The following EEF1D variants were observed in gnomAD, a reference collection of about 807,000 sequenced individuals.
EEF1D encodes elongation factor 1-delta.
EEF1D carries 47 observed loss-of-function variants against 63.9 expected under a neutral mutation model. The ratio of observed to expected loss-of-function variants is 0.74; its 90% CI spans 0.58 to 0.94. The LOEUF (loss-of-function observed/expected upper bound fraction) is 0.94. Among genes scored for constraint, EEF1D ranks in the 40% least tolerant of loss-of-function variants. The probability of loss-of-function intolerance (pLI) is 0.00; values close to 1 mark genes in which losing one functional copy is unlikely to be tolerated. For synonymous variants in EEF1D, 412 were observed against 386.1 expected (o/e 1.07, Z -0.79); for missense variants, 907 against 899.0 (o/e 1.01, Z -0.11).
rs1825084593 is a variant in EEF1D, at chr8:143,580,092, G to A, written c.1825C>T (p.Leu609=). 1 of 1,613,870 alleles carries A rather than the reference G, an allele frequency of 6.2e-7. No homozygotes were observed. Reference sequence around the variant, plus strand: ...TCCTCCACCACACACTGAATCTGTAGCTTCCGGATACCGTAGCCCACGGGC... The same window carrying A: ...TCCTCCACCACACACTGAATCTGTAACTTCCGGATACCGTAGCCCACGGGC... The part of the protein sequence containing the change: ...LVPVGYGIRK[L]QIQCVVEDDK... The change falls in exon 9 of 10, where the codon CTA becomes TTA. Residue 609 remains leucine, a synonymous_variant. Transcript: ENST00000618139.
rs372746562 is a variant in EEF1D at position 143,580,174 on chromosome 8, C to T, written c.1743G>A (p.Glu581=). ...CCAGCTGGATAGAGCGCACACAGGC[C>T]TCCAGCTGGGCCATGTCCGTCTCAT... ...WDDETDMAQL[E]ACVRSIQLDG... The change falls in exon 9 of 10, where the codon GAG becomes GAA. Residue 581 remains glutamate, a synonymous_variant. Transcript: ENST00000618139. 24 of 1,613,632 alleles carry T rather than the reference C, an allele frequency of 1.5e-5. No homozygotes were observed. The highest frequency in any genetic ancestry group is 2.7e-5 in the African/African-American group (2 of 74,924).
intron 4 of EEF1D, 24 bp from the exon 5 acceptor site, chr8:143,586,314 A>G: frequency 6.6e-7 from 1 of 1,512,348 alleles, no homozygotes; most frequent in Non-Finnish European, 8.8e-7. Context: ...AGAAAGAACC[A>G]GTCTTTTTTT....
chr8:143,593,247 G>A (rs1210373359), intron 1 of EEF1D, among the ~76,000 whole-genome samples: 1 of 147,430 alleles, frequency 6.8e-6, no homozygotes, highest in Non-Finnish European at 1.5e-5. Context: ...CCCAGCACAA[G>A]CTACAAAGGC....
At position 143,586,220 on chromosome 8, in the gene EEF1D, C is replaced by G; in HGVS notation, c.1286G>C (p.Gly429Ala). 6.2e-7 allele frequency: 1 copy of G among 1,609,022 alleles called. No individual in the cohort carries two copies. The highest frequency in any genetic ancestry group is 8.5e-7 in the Non-Finnish European group (1 of 1,178,664). ...GGTCCGTGGGCCGCGGGTACTCACT[C>G]CAGCCAGGGATTTCTGGATGTTCTC... ...ARENIQKSLA[G>A]SSGPGASSGT... The change falls in exon 5 of 10, where the codon GGA becomes GCA. Residue 429 changes from glycine to alanine, a missense_variant and splice_region_variant. Physicochemically the swap from Gly to Ala is moderately conservative, Grantham distance 60. Coordinates refer to ENST00000618139, the MANE Select transcript of EEF1D (RefSeq NM_001130053.5).
intron 5 of EEF1D, among the ~76,000 whole-genome samples, chr8:143,585,257 C>T (rs1296483141): frequency 6.6e-6 from 1 of 152,114 alleles, no homozygotes; most frequent in Non-Finnish European, 1.5e-5. Context: ...ACAAGAACCA[C>T]GTAAGTGACA....
chr8:143,592,181 G>A, intron 2 of EEF1D: 14 of 985,478 alleles, frequency 1.4e-5, no homozygotes, highest in Non-Finnish European at 1.7e-5. Context: ...ACATCGTGCG[G>A]TGGTACCCCC....
intron 3 of EEF1D, 175 bp downstream of exon 3, chr8:143,588,816 G>T: frequency 1.2e-6 from 1 of 867,846 alleles, no homozygotes; most frequent in Non-Finnish European, 1.7e-6. Flanking sequence ...GAACCCACAA[G>T]CGCAGCACCA....
At position 143,580,559 on chromosome 8, in the gene EEF1D, CCTT is replaced by C. The variant is rs756390399; in HGVS notation, c.1654_1656del (p.Lys552del). The C allele has an allele frequency of 4.4e-5, 71 of 1,613,216 alleles. No individual in the cohort carries two copies. In the East Asian group the frequency reaches 4.5e-4, roughly 10 times the overall value. Reference sequence around the variant, plus strand: ...TTGGCCACCAGTGCAGGCTTCTTGGCCTTCTTCTCCGCGTACTGCCGTAGCCGC... The same window carrying C: ...TTGGCCACCAGTGCAGGCTTCTTGGCCTTCTCCGCGTACTGCCGTAGCCGC... On this transcript the variant is annotated inframe_deletion, in exon 8 of 10. Coordinates refer to ENST00000618139, the MANE Select transcript of EEF1D (RefSeq NM_001130053.5).
chr8:143,585,077 T>C (rs1321640791), intron 5 of EEF1D, among the ~76,000 whole-genome samples: 1 of 152,098 alleles, frequency 6.6e-6, no homozygotes, highest in African/African-American at 2.4e-5. Context: ...TGAGGAGCAA[T>C]GCACCTTACA....
At chr8:143,580,429 GA>G in intron 8 of EEF1D, 76 bp downstream of exon 8, 1 of 1,516,540 alleles carries the variant, frequency 6.6e-7, no homozygotes, top group Non-Finnish European at 9.0e-7. Context: ...AGGGCAGGGG[GA>G]GGGTCACAGG....
At chr8:143,583,657 G>A (rs1825979249) in intron 5 of EEF1D, 1 of 152,304 alleles carries the variant, frequency 6.6e-6, no homozygotes, top group African/African-American at 2.4e-5. Context: ...CCCACCCAGG[G>A]ATGCCCAGCT....
chr8:143,595,359 T>C (rs1209168761), intron 1 of EEF1D, among the ~76,000 whole-genome samples: 6 of 151,696 alleles, frequency 4.0e-5, no homozygotes, highest in Admixed American at 3.9e-4. Flanking sequence ...ACATGAGCCA[T>C]GCGCCCAGCC....
chr8:143,588,492 C>T (rs376517964), intron 3 of EEF1D, among the ~76,000 whole-genome samples: 3 of 152,218 alleles, frequency 2.0e-5, no homozygotes, highest in East Asian at 1.9e-4. Context: ...GCATCTGAGA[C>T]GCCACCACCT....
intron 4 of EEF1D, 53 bp downstream of exon 4, chr8:143,586,676 G>C: frequency 8.8e-6 from 14 of 1,597,226 alleles, no homozygotes; most frequent in Non-Finnish European, 1.2e-5. Flanking sequence ...GTGTGCCCCG[G>C]CCACTCCTGT....
rs1045009250 is a variant in EEF1D, at chr8:143,579,799, T to G, written c.1937A>C (p.Lys646Thr). The G allele has an allele frequency of 1.9e-6, 3 of 1,563,058 alleles. No individual in the cohort carries two copies. In the African/African-American group the frequency reaches 4.1e-5, roughly 21 times the overall value. Residue 646 changes from lysine (K) to threonine (T), a missense_variant, in exon 10 of 10, where the codon AAG becomes ACG. By Grantham distance (78) the Lys-to-Thr change is moderately conservative (BLOSUM62 -1). Transcript: ENST00000618139. Reference protein sequence around the residue: ...VQSVDIAAFNKI With the variant: ...VQSVDIAAFNTI The stretch of plus-strand genomic sequence containing the variant: ...CGTACACACACTCAGGCTTCAGATC[T>G]TGTTGAAAGCTGCGATATCGACACT...
chr8:143,588,887 C>A, intron 3 of EEF1D, 104 bp downstream of exon 3: 1 of 1,428,214 alleles, frequency 7.0e-7, no homozygotes, highest in South Asian at 1.4e-5. Flanking sequence ...GGGGAGCCCC[C>A]ACCCCAGGTG....
chr8:143,587,683 T>C (rs1826968931), intron 3 of EEF1D: 1 of 152,218 alleles, frequency 6.6e-6, no homozygotes, highest in South Asian at 2.1e-4. Flanking sequence ...CAATGAAAGC[T>C]CTTTGGGGTC....
In EEF1D at chr8:143,580,162, G is replaced by A. The variant is rs746152865; in HGVS notation, c.1755C>T (p.Arg585=). 24 of 1,613,756 alleles carry A rather than the reference G, an allele frequency of 1.5e-5. 1 individual carries two copies. In the South Asian group the frequency reaches 2.3e-4, roughly 16 times the overall value. The change falls in exon 9 of 10, where the codon CGC becomes CGT. Residue 585 remains arginine, a synonymous_variant. Transcript: ENST00000618139. ...TDMAQLEACV[R]SIQLDGLVWG... ...AGACCAGCCCGTCCAGCTGGATAGA[G>A]CGCACACAGGCCTCCAGCTGGGCCA...
In EEF1D at chr8:143,589,088, C is replaced by T. The variant is rs758663825; in HGVS notation, c.994G>A (p.Ala332Thr). 3.0e-5 allele frequency: 48 copies of T among 1,609,730 alleles called. No individual in the cohort carries two copies. In the Admixed American group the frequency reaches 7.2e-4, roughly 24 times the overall value. Residue 332 changes from alanine (A) to threonine (T), a missense_variant, in exon 3 of 10, where the codon GCC becomes ACC. Physicochemically the swap from Ala to Thr is moderately conservative, Grantham distance 58. Transcript: ENST00000618139. ...CACCAGGCCACCCGCAGGGCCTCGG[C>T]AGCGTGGTGGCGGCACTCGGCGCTG... ...YDSAECRHHA[A>T]EALRVAWCLE...
Sources: gnomAD v4.1 joint callset for allele counts (sites outside exome capture counted in the v4.1 genomes callset) on GRCh38, gnomAD v4.1.1 for gene constraint, MANE v1.5 for transcripts, NCBI Gene and HGNC (gene_info 2026-07-23, HGNC 2026-07-21) for gene names.